The following NAA25 variants were observed in gnomAD, a reference collection of about 807,000 sequenced individuals.
The protein encoded by NAA25 is N-alpha-acetyltransferase 25, NatB auxiliary subunit.
NAA25 carries 30 observed loss-of-function variants against 132.5 expected under a neutral mutation model. The ratio of observed to expected loss-of-function variants is 0.23; its 90% CI spans 0.17 to 0.31. The LOEUF (loss-of-function observed/expected upper bound fraction) is 0.31. Ranked by LOEUF, NAA25 falls within the 10% of genes least tolerant of loss-of-function variation. The pLI is 1.00. For missense variants in NAA25, 771 were observed against 1,150.4 expected, an observed-to-expected ratio of 0.67 and a Z score of 4.77; for synonymous variants, 359 against 401.9, an observed-to-expected ratio of 0.89 and a Z score of 1.28.
intron 23 of NAA25, among the ~76,000 whole-genome samples, chr12:112,031,315 A>C (rs1276576394): frequency 6.6e-6 from 1 of 152,156 alleles, no homozygotes; most frequent in Non-Finnish European, 1.5e-5. Flanking sequence ...AATTGAAGAG[A>C]TTTTTACCTT....
At chr12:112,032,065 A>G (rs1252043613) in intron 23 of NAA25, among the ~76,000 whole-genome samples, 1 of 151,392 alleles carries the variant, frequency 6.6e-6, no homozygotes, top group Admixed American at 6.6e-5. Context: ...TGGGGTTCAC[A>G]ACATTCCCCT....
Position 112,042,028 on chromosome 12 carries a change from G to A in NAA25, c.2440+11C>T. ...GATACAAATACAGGAATCTACAGTAGGAAAACTTACCTTTTAACTGGTCTA... is the reference window on the plus strand; with the variant it reads ...GATACAAATACAGGAATCTACAGTAAGAAAACTTACCTTTTAACTGGTCTA... On this transcript the variant is annotated intron_variant, in intron 20 of 23. Transcript: ENST00000261745. 2 of 1,449,662 alleles carry A rather than the reference G, an allele frequency of 1.4e-6. No individual in the cohort carries two copies. Among genetic ancestry groups the A allele is most frequent in the Non-Finnish European group, 1.8e-6 (2 of 1,084,886 alleles). 89.8% of individuals were successfully genotyped at this position (1,449,662 alleles called of 1,614,324 possible). A position where few individuals can be genotyped will look rare whatever the true frequency, so the allele number is the denominator to read the frequency against.
intron 1 of NAA25, among the ~76,000 whole-genome samples, chr12:112,102,105 G>A (rs1226092131): frequency 6.6e-6 from 1 of 151,360 alleles, no homozygotes; most frequent in Non-Finnish European, 1.5e-5. Context: ...CTGGACTCAA[G>A]TGATCCACCC....
At chr12:112,053,818 AT>A (rs1308291475) in intron 14 of NAA25, among the ~76,000 whole-genome samples, 161 bp from the exon 15 acceptor site, 8 of 126,620 alleles carry the variant, frequency 6.3e-5, no homozygotes, top group East Asian at 3.4e-4. Context: ...ACCAGTTAAA[AT>A]TTAAAAAAAA....
chr12:112,043,928 A>ATT (rs372332897), intron 17 of NAA25, 60 bp from the exon 18 acceptor site: 10,118 of 1,286,476 alleles, frequency 7.9e-3, no homozygotes, highest in Non-Finnish European at 9.0e-3. Flanking sequence ...ATTGCTTTCA[A>ATT]TTTTTTTTTT....
intron 1 of NAA25, among the ~76,000 whole-genome samples, chr12:112,100,213 G>C (rs2079272722): frequency 6.6e-6 from 1 of 152,202 alleles, no homozygotes; most frequent in Admixed American, 6.5e-5. Flanking sequence ...CCAGGCTGGA[G>C]TGCAGTGGCA....
At chr12:112,108,215 T>C (rs1322549856) in intron 1 of NAA25, among the ~76,000 whole-genome samples, 2 of 152,130 alleles carry the variant, frequency 1.3e-5, no homozygotes, top group Non-Finnish European at 2.9e-5. Context: ...TGACCTTGCG[T>C]CAGCCCCTTC....
At chr12:112,092,441 A>G (rs1440539859) in intron 2 of NAA25, among the ~76,000 whole-genome samples, 1 of 152,114 alleles carries the variant, frequency 6.6e-6, no homozygotes, top group Non-Finnish European at 1.5e-5. Context: ...CCCGACCAAC[A>G]TGGGGAAACC....
At chr12:112,084,061 G>A (rs1488173937) in intron 4 of NAA25, among the ~76,000 whole-genome samples, 2 of 152,132 alleles carry the variant, frequency 1.3e-5, no homozygotes, top group African/African-American at 4.8e-5. Flanking sequence ...ATAATCTGCT[G>A]AAACAAAATT....
At chr12:112,053,780 A>C in intron 14 of NAA25, 123 bp from the exon 15 acceptor site, 1 of 553,128 alleles carries the variant, frequency 1.8e-6, no homozygotes. Context: ...AAACACTAAA[A>C]CATACTCCCA....
chr12:112,074,005 C>T (rs1250274660), intron 9 of NAA25, among the ~76,000 whole-genome samples: 1 of 151,982 alleles, frequency 6.6e-6, no homozygotes, highest in African/African-American at 2.4e-5. Context: ...GGTTGCAAAT[C>T]GTGTCTAATA....
At chr12:112,037,132 G>GT (rs1425797543) in intron 22 of NAA25, among the ~76,000 whole-genome samples, 3 of 151,520 alleles carry the variant, frequency 2.0e-5, no homozygotes, top group Non-Finnish European at 4.4e-5. Flanking sequence ...ACATGTTAAA[G>GT]GACAGAAACC....
chr12:112,045,566 G>T (rs868150233), intron 17 of NAA25, among the ~76,000 whole-genome samples: 1 of 151,812 alleles, frequency 6.6e-6, no homozygotes, highest in African/African-American at 2.4e-5. Flanking sequence ...TGGCCCAGAT[G>T]GGGGGATCAA....
chr12:112,094,606 T>C (rs1017041191), intron 1 of NAA25, among the ~76,000 whole-genome samples: 5 of 151,640 alleles, frequency 3.3e-5, no homozygotes, highest in Admixed American at 1.3e-4. Flanking sequence ...GATTGGGAGG[T>C]AGGGAATGAA....
intron 13 of NAA25, among the ~76,000 whole-genome samples, chr12:112,056,546 C>T (rs2078549606): frequency 6.6e-6 from 1 of 151,974 alleles, no homozygotes; most frequent in African/African-American, 2.4e-5. Context: ...GACAGTGTCT[C>T]AAAATAAAAA....
At chr12:112,085,178 C>A (rs2079028128) in intron 4 of NAA25, among the ~76,000 whole-genome samples, 1 of 151,850 alleles carries the variant, frequency 6.6e-6, no homozygotes. Flanking sequence ...TGCAGTGAGC[C>A]AAGATCACAC....
chr12:112,039,268 C>T lies in NAA25; in HGVS notation c.2610G>A (p.Gln870=), dbSNP rs777181142. The part of the protein sequence containing the change: ...SVLRPYKLNL[Q]KKKKKKKETS... ...TTTCTTTTTTCTTCTTTTTCTTTTT[C>T]TGTAAATTTAGTTTGTATGGTCGTA... Residue 870 remains glutamine, a synonymous_variant, in exon 22 of 24, where the codon CAG becomes CAA. Coordinates refer to ENST00000261745, the MANE Select transcript of NAA25 (RefSeq NM_024953.4). 6.2e-7 allele frequency: 1 copy of T among 1,604,054 alleles called. No individual in the cohort carries two copies. Among genetic ancestry groups the T allele is most frequent in the Non-Finnish European group, 8.5e-7 (1 of 1,175,824 alleles).
chr12:112,095,306 G>A (rs982830875), intron 1 of NAA25, among the ~76,000 whole-genome samples: 3 of 151,774 alleles, frequency 2.0e-5, no homozygotes, highest in Admixed American at 1.3e-4. Context: ...GCATGGTGGC[G>A]GGTGCCTGTA....
chr12:112,103,049 C>A (rs751386521), intron 1 of NAA25, among the ~76,000 whole-genome samples: 3 of 152,070 alleles, frequency 2.0e-5, no homozygotes, highest in Non-Finnish European at 4.4e-5. Context: ...TACAGTAGCA[C>A]AATCTCAGCT....
Sources: allele counts gnomAD v4.1 joint callset (sites outside exome capture counted in the v4.1 genomes callset), GRCh38; gene constraint gnomAD v4.1.1; transcripts MANE v1.5; gene names NCBI Gene and HGNC (gene_info 2026-07-23, HGNC 2026-07-21).